The following BTBD1 variants were observed in gnomAD, a reference collection of about 807,000 sequenced individuals.
BTBD1 encodes the protein BTB/POZ domain-containing protein 1.
BTBD1 carries 34 observed loss-of-function variants against 48.0 expected under a neutral mutation model. The observed-to-expected ratio is 0.71, with a 90% CI of 0.54 to 0.94. The LOEUF is 0.94. Ranked by LOEUF, BTBD1 falls within the 40% of genes least tolerant of loss-of-function variation. The probability of loss-of-function intolerance (pLI) is 0.00; values close to 1 mark genes in which losing one functional copy is unlikely to be tolerated. For synonymous variants in BTBD1, 261 were observed against 242.1 expected (o/e 1.08, Z -0.72); for missense variants, 543 against 625.6 (o/e 0.87, Z 1.41).
chr15:83,062,563 T>G (rs1017922577), intron 1 of BTBD1, among the ~76,000 whole-genome samples: 1 of 152,168 alleles, frequency 6.6e-6, no homozygotes, highest in African/African-American at 2.4e-5. Flanking sequence ...GAAATTTAAG[T>G]GAGATCACAA....
chr15:83,036,924 G>A (rs2032640983), intron 4 of BTBD1, among the ~76,000 whole-genome samples: 1 of 151,934 alleles, frequency 6.6e-6, no homozygotes, highest in East Asian at 1.9e-4. Context: ...TGACTTAGAG[G>A]GTCATGACAA....
intron 5 of BTBD1, among the ~76,000 whole-genome samples, chr15:83,024,861 C>T (rs1489093428): frequency 1.3e-5 from 2 of 152,156 alleles, no homozygotes; most frequent in African/African-American, 2.4e-5. Flanking sequence ...TTCAGCCTCC[C>T]AAAGTGCTGG....
chr15:83,067,108 C>T lies in BTBD1; in HGVS notation c.44G>A (p.Gly15Glu), dbSNP rs1272633694. Residue 15 changes from glycine (G) to glutamate (E), a missense_variant, in exon 1 of 8, where the codon GGG becomes GAG. Around this residue, in one of 3 missense-constraint regions of BTBD1, gnomAD observed 173 missense variants for 163.9 expected, o/e 1.06. Transcript: ENST00000261721. Reference protein sequence around the residue: ...GPAAAGEQASGAEAEPGPAGP... With the variant: ...GPAAAGEQASEAEAEPGPAGP... ...CGCGGGGCCCGGCTCCGCCTCAGCC[C>T]CCGACGCCTGCTCCCCAGCTGCGGC... 18 of 1,473,214 alleles carry T rather than the reference C, an allele frequency of 1.2e-5. No individual in the cohort carries two copies. Among genetic ancestry groups the T allele is most frequent in the Non-Finnish European group, 1.5e-5 (17 of 1,119,920 alleles). The allele number at this position is 1,473,214 out of a possible 1,614,324, so 91.3% of individuals were successfully genotyped here. A position where few individuals can be genotyped will look rare whatever the true frequency, so the allele number is the denominator to read the frequency against.
chr15:83,018,603 C>A, intron 7 of BTBD1, 104 bp downstream of exon 7: 1 of 1,301,064 alleles, frequency 7.7e-7, no homozygotes, highest in Non-Finnish European at 1.0e-6. Flanking sequence ...TTCTTTTCCC[C>A]CCTCTTTATA....
chr15:83,052,526 A>G (rs1172146460), intron 2 of BTBD1, among the ~76,000 whole-genome samples: 1 of 152,144 alleles, frequency 6.6e-6, no homozygotes, highest in Admixed American at 6.6e-5. Context: ...ACGTTTTTTA[A>G]TAACATTTTT....
chr15:83,052,144 A>G (rs62010173), intron 2 of BTBD1, among the ~76,000 whole-genome samples: 29,235 of 152,046 alleles, frequency 0.19, 3,013 homozygotes, highest in Non-Finnish European at 0.22. Context: ...TTTAATAGAG[A>G]CAGGGTTTCG....
intron 1 of BTBD1, among the ~76,000 whole-genome samples, chr15:83,057,742 T>C (rs1007211008): frequency 2.0e-5 from 3 of 152,256 alleles, no homozygotes; most frequent in African/African-American, 4.8e-5. Flanking sequence ...GCTGTTGTGT[T>C]TCTCTTGGTC....
chr15:83,047,707 A>G (rs2032906321), intron 3 of BTBD1, among the ~76,000 whole-genome samples: 1 of 152,226 alleles, frequency 6.6e-6, no homozygotes, highest in Non-Finnish European at 1.5e-5. Flanking sequence ...CAGAACAACA[A>G]GAACGAACTA....
chr15:83,033,476 T>G (rs968675413), intron 4 of BTBD1, among the ~76,000 whole-genome samples: 2 of 152,148 alleles, frequency 1.3e-5, no homozygotes, highest in Non-Finnish European at 2.9e-5. Context: ...TATGAAACAT[T>G]AAAATACATG....
At position 83,066,801 on chromosome 15, in the gene BTBD1, G is replaced by C; in HGVS notation, c.351C>G (p.Ala117=). 2 of 1,443,414 alleles carry C rather than the reference G, an allele frequency of 1.4e-6. No individual in the cohort carries two copies. Among genetic ancestry groups the C allele is most frequent in the Non-Finnish European group, 1.8e-6 (2 of 1,101,224 alleles). 89.4% of individuals were successfully genotyped at this position (1,443,414 alleles called of 1,614,324 possible). A position where few individuals can be genotyped will look rare whatever the true frequency, so the allele number is the denominator to read the frequency against. Residue 117 remains alanine, a synonymous_variant, in exon 1 of 8, where the codon GCC becomes GCG. Transcript: ENST00000261721. ...GCTCCACGTCCGGCAGCTCGATCTC[G>C]GCCGACGTGGTGGCCATGCCGCCGT... ...MFNGGMATTS[A]EIELPDVEPA...
At chr15:83,040,957 C>T (rs1329101365) in intron 4 of BTBD1, among the ~76,000 whole-genome samples, 1 of 151,474 alleles carries the variant, frequency 6.6e-6, no homozygotes, top group South Asian at 2.1e-4. Flanking sequence ...CAAGACCAGC[C>T]CTGACAGGAT....
At chr15:83,042,425 T>A (rs2032785941) in intron 3 of BTBD1, among the ~76,000 whole-genome samples, 1 of 147,476 alleles carries the variant, frequency 6.8e-6, no homozygotes, top group Non-Finnish European at 1.5e-5. Flanking sequence ...ATTCTGTTGC[T>A]CAGGCTGGAG....
At chr15:83,023,388 TTTTTTTA>T (rs2032338460) in intron 5 of BTBD1, among the ~76,000 whole-genome samples, 1 of 152,116 alleles carries the variant, frequency 6.6e-6, no homozygotes, top group Admixed American at 6.6e-5. Flanking sequence ...AAATTTTTAT[TTTTTTTA>T]TTTAGACAGG....
chr15:83,045,962 A>G (rs964930931), intron 3 of BTBD1, among the ~76,000 whole-genome samples: 1 of 152,218 alleles, frequency 6.6e-6, no homozygotes, highest in African/African-American at 2.4e-5. Context: ...CTTTAGCAAA[A>G]GGCTGTAAGA....
chr15:83,033,140 G>A (rs1443842097), intron 4 of BTBD1, among the ~76,000 whole-genome samples: 5 of 151,978 alleles, frequency 3.3e-5, no homozygotes, highest in Non-Finnish European at 7.4e-5. Flanking sequence ...TGGGAGGATT[G>A]TTTGAGGCCA....
Position 83,020,975 on chromosome 15 carries a change from A to G in BTBD1, c.1056-213T>C, listed in dbSNP as rs1160329758. ...AGAGGAACCTAAGAATTGGTTTTGT[A>G]AAAGAATTTAACCTAAATACCCACT... On this transcript the variant is annotated intron_variant, in intron 5 of 7. Transcript: ENST00000261721. 2.6e-5 allele frequency among the ~76,000 whole-genome samples: 4 copies of G among 152,352 alleles called. No individual in the cohort carries two copies. The South Asian group carries it at 8.3e-4, about 32-fold the overall frequency.
At chr15:83,038,168 CA>C (rs1196430165) in intron 4 of BTBD1, among the ~76,000 whole-genome samples, 9 of 152,202 alleles carry the variant, frequency 5.9e-5, no homozygotes, top group Non-Finnish European at 1.0e-4. Context: ...AATTAATGTA[CA>C]AAAGTCAGCA....
At chr15:83,065,434 T>C (rs1411536275) in intron 1 of BTBD1, among the ~76,000 whole-genome samples, 1 of 152,238 alleles carries the variant, frequency 6.6e-6, no homozygotes, top group South Asian at 2.1e-4. Flanking sequence ...CTGTCCTTTA[T>C]CCATTCGTCA....
At chr15:83,065,447 G>C (rs1009021304) in intron 1 of BTBD1, among the ~76,000 whole-genome samples, 2 of 152,082 alleles carry the variant, frequency 1.3e-5, no homozygotes, top group African/African-American at 2.4e-5. Context: ...ATTCGTCAAT[G>C]GAATCTTATT....
Sources: gnomAD v4.1 joint callset for allele counts (sites outside exome capture counted in the v4.1 genomes callset) on GRCh38, gnomAD v4.1.1 for gene constraint, gnomAD v4.1.1 regional missense constraint, MANE v1.5 for transcripts, NCBI Gene and HGNC (gene_info 2026-07-23, HGNC 2026-07-21) for gene names.